The following DSCAM variants were observed in gnomAD, a reference collection of about 807,000 sequenced individuals.
DSCAM encodes cell adhesion molecule DSCAM.
DSCAM carries 47 observed loss-of-function variants against 217.7 expected under a neutral mutation model. The ratio of observed to expected loss-of-function variants is 0.22; its 90% confidence interval spans 0.17 to 0.28. The LOEUF is 0.28. Among genes scored for constraint, DSCAM ranks in the 10% least tolerant of loss-of-function variants. The probability of loss-of-function intolerance (pLI) is 1.00; values close to 1 mark genes in which losing one functional copy is unlikely to be tolerated. For synonymous variants in DSCAM, 1,056 were observed against 1,015.3 expected, an observed-to-expected ratio of 1.04 and a Z score of -0.76; for missense variants, 2,080 against 2,618.3, an observed-to-expected ratio of 0.79 and a Z score of 4.49.
At chr21:40,414,257 T>G (rs188490789) in intron 3 of DSCAM, among the ~76,000 whole-genome samples, 2 of 152,224 alleles carry the variant, frequency 1.3e-5, no homozygotes, top group African/African-American at 4.8e-5. Flanking sequence ...ATCTAGCACA[T>G]ATAAGAGTTC....
At chr21:40,271,187 G>T (rs889313903) in intron 11 of DSCAM, among the ~76,000 whole-genome samples, 21 of 152,172 alleles carry the variant, frequency 1.4e-4, no homozygotes, top group African/African-American at 4.8e-4. Context: ...AGACCTTCCT[G>T]GATTCAGCAT....
intron 3 of DSCAM, among the ~76,000 whole-genome samples, chr21:40,415,419 A>T (rs2075361582): frequency 6.6e-6 from 1 of 152,214 alleles, no homozygotes; most frequent in Non-Finnish European, 1.5e-5. Context: ...TGAGTTATAG[A>T]TGTATTTCAA....
At chr21:40,742,296 G>A (rs1229062030) in intron 1 of DSCAM, among the ~76,000 whole-genome samples, 1 of 152,106 alleles carries the variant, frequency 6.6e-6, no homozygotes, top group Non-Finnish European at 1.5e-5. Flanking sequence ...GCTCATTATT[G>A]GTGTAGCTCA....
intron 3 of DSCAM, among the ~76,000 whole-genome samples, chr21:40,473,390 T>G (rs1303707003): frequency 2.0e-5 from 3 of 152,162 alleles, no homozygotes; most frequent in Admixed American, 2.0e-4. Context: ...AGTAACTAAA[T>G]CAAGAGGGGG....
At chr21:40,509,341 C>T (rs1275779129) in intron 3 of DSCAM, among the ~76,000 whole-genome samples, 13 of 152,186 alleles carry the variant, frequency 8.5e-5, no homozygotes, top group Admixed American at 3.9e-4. Context: ...CTTTCCTACT[C>T]GTATATTGAT....
At chr21:40,220,330 G>T (rs1304088409) in intron 11 of DSCAM, among the ~76,000 whole-genome samples, 1 of 152,168 alleles carries the variant, frequency 6.6e-6, no homozygotes, top group African/African-American at 2.4e-5. Flanking sequence ...TTCATTTAAA[G>T]TGAATATACA....
chr21:40,522,091 G>C (rs1289732459), intron 3 of DSCAM, among the ~76,000 whole-genome samples: 1 of 152,142 alleles, frequency 6.6e-6, no homozygotes, highest in Admixed American at 6.5e-5. Flanking sequence ...AATGGGTTGA[G>C]GTTGAGAAAC....
At chr21:40,766,053 G>A (rs2091385578) in intron 1 of DSCAM, among the ~76,000 whole-genome samples, 1 of 152,160 alleles carries the variant, frequency 6.6e-6, no homozygotes, top group Non-Finnish European at 1.5e-5. Context: ...CAGCCTCTGG[G>A]AATAAAACAT....
chr21:40,565,729 A>T (rs2076759291), intron 3 of DSCAM, among the ~76,000 whole-genome samples: 1 of 152,146 alleles, frequency 6.6e-6, no homozygotes, highest in Non-Finnish European at 1.5e-5. Context: ...CATCCTTAAC[A>T]TCACATGGAA....
chr21:40,642,401 C>T (rs1295793211), intron 3 of DSCAM, among the ~76,000 whole-genome samples: 1 of 152,102 alleles, frequency 6.6e-6, no homozygotes, highest in East Asian at 1.9e-4. Flanking sequence ...GTTAAAAGCA[C>T]CCATTAGGAG....
At chr21:40,070,773 C>A (rs143076852) in intron 27 of DSCAM, among the ~76,000 whole-genome samples, 78 of 152,270 alleles carry the variant, frequency 5.1e-4, no homozygotes, top group Non-Finnish European at 9.6e-4. Flanking sequence ...CCTGTTAGTA[C>A]TCAGAAAATA....
At chr21:40,719,799 G>A (rs1484544564) in intron 1 of DSCAM, among the ~76,000 whole-genome samples, 1 of 152,178 alleles carries the variant, frequency 6.6e-6, no homozygotes, top group Non-Finnish European at 1.5e-5. Context: ...GGTGGGGTCA[G>A]GTGCAGAGAA....
chr21:40,584,946 ATGAG>A (rs770847992), intron 3 of DSCAM, among the ~76,000 whole-genome samples: 1 of 152,118 alleles, frequency 6.6e-6, no homozygotes. Flanking sequence ...CTTCACGGTA[ATGAG>A]TGAGTTTCAG....
intron 3 of DSCAM, among the ~76,000 whole-genome samples, chr21:40,484,184 C>A (rs1047930735): frequency 5.9e-5 from 9 of 152,216 alleles, no homozygotes; most frequent in African/African-American, 2.2e-4. Context: ...TGTCCAGAGG[C>A]TTCCCGAATA....
At chr21:40,251,859 T>A (rs1216728989) in intron 11 of DSCAM, among the ~76,000 whole-genome samples, 2 of 152,208 alleles carry the variant, frequency 1.3e-5, no homozygotes, top group Non-Finnish European at 2.9e-5. Flanking sequence ...CTTTCTTTTT[T>A]TTAAAACAAA....
chr21:40,420,817 C>T (rs1399169184), intron 3 of DSCAM, among the ~76,000 whole-genome samples: 1 of 152,090 alleles, frequency 6.6e-6, no homozygotes, highest in African/African-American at 2.4e-5. Context: ...TACCAGCAAA[C>T]GACCAGAAGC....
intron 10 of DSCAM, among the ~76,000 whole-genome samples, chr21:40,291,357 G>C (rs1431814915): frequency 2.0e-5 from 3 of 152,186 alleles, no homozygotes; most frequent in Admixed American, 6.5e-5. Flanking sequence ...TACCCAGCTA[G>C]CCTCCTAGCT....
At chr21:40,429,564 A>G (rs1601636606) in intron 3 of DSCAM, among the ~76,000 whole-genome samples, 1 of 152,268 alleles carries the variant, frequency 6.6e-6, no homozygotes, top group South Asian at 2.1e-4. Flanking sequence ...CACCAAGCCC[A>G]GCCTGCATCA....
At chr21:40,537,955 G>A (rs1029017703) in intron 3 of DSCAM, among the ~76,000 whole-genome samples, 19 of 152,326 alleles carry the variant, frequency 1.2e-4, no homozygotes, top group Middle Eastern at 3.4e-3. Flanking sequence ...GGAGGGCCCT[G>A]AAGTGGGACC....
Sources: allele counts gnomAD v4.1 joint callset (sites outside exome capture counted in the v4.1 genomes callset), GRCh38; gene constraint gnomAD v4.1.1; transcripts MANE v1.5; gene names NCBI Gene and HGNC (gene_info 2026-07-23, HGNC 2026-07-21).